The following DMD variants were observed in gnomAD, a reference collection of about 807,000 sequenced individuals.
DMD encodes the protein mutant dystrophin.
Under a neutral mutation model 330.1 loss-of-function variants are expected in DMD, and 63 were observed. The ratio of observed to expected loss-of-function variants is 0.19; its 90% CI spans 0.16 to 0.24. The LOEUF (loss-of-function observed/expected upper bound fraction) is 0.24. Among genes scored for constraint, DMD ranks in the 10% least tolerant of loss-of-function variants. The pLI is 1.00. For missense variants in DMD, 3,344 were observed against 2,684.1 expected (o/e 1.25, Z -5.43); for synonymous variants, 1,223 against 959.8 (o/e 1.27, Z -5.07).
chrX:31,867,989 G>A (rs896487222), intron 48 of DMD, among the ~76,000 whole-genome samples: 27 of 111,594 alleles, frequency 2.4e-4, no homozygotes, highest in Admixed American at 1.9e-4. Context: ...ATCAGTTAGA[G>A]GTCAGAATGC....
chrX:32,246,008 G>A (rs1413538279), intron 43 of DMD, among the ~76,000 whole-genome samples: 1 of 94,892 alleles, frequency 1.1e-5, no homozygotes, highest in Non-Finnish European at 2.1e-5. Context: ...TGTTGAATAG[G>A]AGCGGTGAGA....
intron 43 of DMD, among the ~76,000 whole-genome samples, chrX:32,280,152 ATATATATATACAG>A (rs1490618019): frequency 0.018 from 301 of 16,813 alleles, 3 homozygotes; most frequent in African/African-American, 0.081. Context: ...CAGTATATAT[ATATATATATACAG>A]TATATATATA....
chrX:31,898,105 A>C (rs767782099), intron 47 of DMD, among the ~76,000 whole-genome samples: 233 of 110,162 alleles, frequency 2.1e-3, no homozygotes, highest in Middle Eastern at 4.7e-3. Flanking sequence ...ACCACTGCTC[A>C]AGGAAATAAA....
At chrX:32,653,822 C>T (rs1193768928) in intron 9 of DMD, among the ~76,000 whole-genome samples, 2 of 111,798 alleles carry the variant, frequency 1.8e-5, no homozygotes, top group Non-Finnish European at 3.8e-5. Flanking sequence ...TTTGTGTCCT[C>T]TTGTATTTTG....
chrX:32,462,058 T>C (rs185078493), intron 25 of DMD, among the ~76,000 whole-genome samples: 2 of 111,086 alleles, frequency 1.8e-5, no homozygotes, highest in African/African-American at 6.5e-5. Flanking sequence ...AAAGACCAAC[T>C]GCCTCTAACA....
At chrX:31,381,301 C>T (rs1484088884) in intron 60 of DMD, among the ~76,000 whole-genome samples, 1 of 111,456 alleles carries the variant, frequency 9.0e-6, no homozygotes, top group African/African-American at 3.3e-5. Flanking sequence ...CGTCCTGTAG[C>T]CTTTTTATCC....
At chrX:32,240,504 G>C (rs1414786252) in intron 43 of DMD, among the ~76,000 whole-genome samples, 2 of 111,413 alleles carry the variant, frequency 1.8e-5, no homozygotes, top group Non-Finnish European at 3.8e-5. Flanking sequence ...AGAACGGTGA[G>C]AAATAAAGGT....
chrX:33,045,314 G>A (rs866653148), intron 1 of DMD, among the ~76,000 whole-genome samples: 4 of 20,757 alleles, frequency 1.9e-4, no homozygotes, highest in South Asian at 2.1e-3. Flanking sequence ...ACACAGGTGC[G>A]TACACACACA....
chrX:32,765,214 T>C (rs1263095396), intron 7 of DMD, among the ~76,000 whole-genome samples: 1 of 111,173 alleles, frequency 9.0e-6, no homozygotes, highest in Non-Finnish European at 1.9e-5. Flanking sequence ...TGAATTGTAA[T>C]CCCCAATGTT....
intron 59 of DMD, among the ~76,000 whole-genome samples, chrX:31,474,641 G>A (rs2067589674): frequency 9.4e-6 from 1 of 106,504 alleles, no homozygotes; most frequent in Non-Finnish European, 1.9e-5. Flanking sequence ...CCCAGGAGGT[G>A]GAGGTTGCAG....
chrX:31,767,583 T>C (rs1428539027), intron 51 of DMD, among the ~76,000 whole-genome samples: 1 of 112,330 alleles, frequency 8.9e-6, no homozygotes, highest in Non-Finnish European at 1.9e-5. Flanking sequence ...GAAACTATTG[T>C]AATAGCCACT....
chrX:32,676,971 AAG>A (rs1468605797), intron 9 of DMD, among the ~76,000 whole-genome samples: 1 of 111,797 alleles, frequency 8.9e-6, no homozygotes, highest in African/African-American at 3.2e-5. Flanking sequence ...AAATATATGT[AAG>A]AGTTTTTCAT....
intron 43 of DMD, among the ~76,000 whole-genome samples, chrX:32,276,937 A>G (rs971056319): frequency 2.7e-5 from 3 of 109,142 alleles, no homozygotes; most frequent in Non-Finnish European, 5.7e-5. Context: ...AAAAGAAAAG[A>G]AAGAAAGATA....
intron 78 of DMD, among the ~76,000 whole-genome samples, chrX:31,123,029 CTTTACAGATTCCCATAAT>C (rs2032995564): frequency 1.9e-5 from 2 of 105,065 alleles, no homozygotes; most frequent in Non-Finnish European, 2.0e-5. Flanking sequence ...CATGTATCAA[CTTTACAGATTCCCATAAT>C]AATTGTTAAA....
At chrX:33,149,559 C>T (rs1175404631) in intron 1 of DMD, among the ~76,000 whole-genome samples, 3 of 111,941 alleles carry the variant, frequency 2.7e-5, no homozygotes, top group Non-Finnish European at 5.6e-5. Flanking sequence ...AGGGTTAGGC[C>T]TGAAGATACC....
chrX:32,649,264 G>T, intron 9 of DMD, among the ~76,000 whole-genome samples: 1 of 110,250 alleles, frequency 9.1e-6, no homozygotes, highest in East Asian at 2.9e-4. Context: ...CATTAAAAAA[G>T]GTGGAAGAGG....
At chrX:33,147,835 T>C (rs1322337436) in intron 1 of DMD, among the ~76,000 whole-genome samples, 2 of 112,079 alleles carry the variant, frequency 1.8e-5, no homozygotes, top group Non-Finnish European at 3.8e-5. Context: ...AATATATAAA[T>C]TTTATCACTT....
intron 2 of DMD, among the ~76,000 whole-genome samples, chrX:32,946,442 A>T (rs1443441077): frequency 8.9e-6 from 1 of 111,797 alleles, no homozygotes; most frequent in Non-Finnish European, 1.9e-5. Flanking sequence ...CACTGCTAAC[A>T]TCCTGTTGTC....
intron 1 of DMD, among the ~76,000 whole-genome samples, chrX:33,102,190 T>A (rs1274201134): frequency 6.3e-5 from 7 of 111,841 alleles, no homozygotes; most frequent in African/African-American, 1.9e-4. Context: ...AAAATAATAT[T>A]TCCTCTATTT....
Sources: gnomAD v4.1 joint callset for allele counts (sites outside exome capture counted in the v4.1 genomes callset) on GRCh38, gnomAD v4.1.1 for gene constraint, MANE v1.5 for transcripts, NCBI Gene and HGNC (gene_info 2026-07-23, HGNC 2026-07-21) for gene names.